The following SYK variants were observed in gnomAD, a reference collection of about 807,000 sequenced individuals.
SYK encodes the protein tyrosine-protein kinase SYK.
SYK carries 16 observed loss-of-function variants against 77.8 expected under a neutral mutation model. The observed-to-expected ratio is 0.21, with a 90% confidence interval of 0.14 to 0.31. SYK has a LOEUF of 0.31. SYK is among the 10% of genes least tolerant of loss of function. SYK has a pLI of 1.00. For missense variants in SYK, 529 were observed against 814.4 expected (o/e 0.65, Z 4.26); for synonymous variants, 312 against 308.7 (o/e 1.01, Z -0.11).
intron 1 of SYK, among the ~76,000 whole-genome samples, chr9:90,808,252 A>G (rs1824920819): frequency 6.6e-6 from 1 of 152,074 alleles, no homozygotes; most frequent in South Asian, 2.1e-4. Flanking sequence ...TGATTATTTT[A>G]GCAAGCAGGT....
rs185769343 is a variant in SYK at position 90,871,782 on chromosome 9, G to C, written c.916-2422G>C. 1.4e-3 allele frequency among the ~76,000 whole-genome samples: 216 copies of C among 152,344 alleles called. 2 individuals are homozygous for C. Among genetic ancestry groups the C allele is most frequent in the Non-Finnish European group, 1.3e-3 (89 of 68,032 alleles). ...GGAGCCCAGGGATCTGGGTAGGAGA[G>C]AGTTGATGTGGGGTTGTTGAGAGAC... On this transcript the variant is annotated intron_variant, in intron 7 of 13. Transcript: ENST00000375754.
chr9:90,847,925 T>G (rs985362441), intron 3 of SYK, among the ~76,000 whole-genome samples: 1 of 152,228 alleles, frequency 6.6e-6, no homozygotes, highest in African/African-American at 2.4e-5. Context: ...AGAGAAAGTG[T>G]GAGGAAACAC....
intron 1 of SYK, among the ~76,000 whole-genome samples, chr9:90,841,294 T>C (rs1564085543): frequency 6.6e-6 from 1 of 150,690 alleles, no homozygotes; most frequent in South Asian, 2.1e-4. Flanking sequence ...ATGTGTGTAA[T>C]GTGTATGTAG....
intron 8 of SYK, 93 bp downstream of exon 8, chr9:90,874,384 C>A: frequency 7.9e-7 from 1 of 1,262,022 alleles, no homozygotes; most frequent in Non-Finnish European, 1.1e-6. Context: ...CACACCACGT[C>A]CGTGATTGCA....
chr9:90,877,562 C>G lies in SYK; in HGVS notation c.1182-9C>G. On this transcript the variant is annotated splice_polypyrimidine_tract_variant and intron_variant, in intron 9 of 13. Transcript: ENST00000375754. ...GAAAGTTTCTTGTGTGTTATGATTT[C>G]TCTTGCAGAGTTGTGAAAACCGTGG... 6.2e-7 allele frequency: 1 copy of G among 1,613,992 alleles called. No homozygotes were observed. Among genetic ancestry groups the G allele is most frequent in the African/African-American group, 1.3e-5 (1 of 75,040 alleles).
In SYK at chr9:90,843,996, G is replaced by T; in HGVS notation, c.98G>T (p.Gly33Val). The T allele has an allele frequency of 6.2e-7, 1 of 1,610,308 alleles. No individual in the cohort carries two copies. Among genetic ancestry groups the T allele is most frequent in the Non-Finnish European group, 8.5e-7 (1 of 1,178,158 alleles). ...GCAGAAGATTACCTGGTCCAGGGGG[G>T]CATGAGTGATGGGCTTTATTTGCTG... is the stretch of plus-strand genomic sequence containing the variant. Reference protein sequence around the residue: ...EEAEDYLVQGGMSDGLYLLRQ... With the variant: ...EEAEDYLVQGVMSDGLYLLRQ... The change falls in exon 2 of 14, where the codon GGC becomes GTC. Residue 33 changes from glycine (G) to valine (V), a missense_variant. Gly to Val is a moderately radical substitution (Grantham distance 109). This residue lies in a region of SYK where 321 missense variants were observed against 433.1 expected (regional missense o/e 0.74). Transcript: ENST00000375754.
At chr9:90,870,457 A>G (rs1428939873) in intron 7 of SYK, among the ~76,000 whole-genome samples, 1 of 152,240 alleles carries the variant, frequency 6.6e-6, no homozygotes, top group African/African-American at 2.4e-5. Flanking sequence ...AATATTTTAA[A>G]ACTTACATTT....
chr9:90,869,290 T>A (rs1486286988), intron 7 of SYK, among the ~76,000 whole-genome samples: 3 of 152,150 alleles, frequency 2.0e-5, no homozygotes, highest in Non-Finnish European at 4.4e-5. Flanking sequence ...AAAAAAAAGT[T>A]TGCTTTCTAT....
chr9:90,878,657 G>A, intron 10 of SYK, 107 bp from the exon 11 acceptor site: 1 of 901,454 alleles, frequency 1.1e-6, no homozygotes. Context: ...TGTTGTTTAA[G>A]AAGAGGGAAG....
rs190364887 is a variant in SYK at position 90,826,116 on chromosome 9, A to G, written c.-41-17742A>G. ...AGAAGGAGCTCCAAGTTAGGCAGGAAAGCCCCAAGCTTACATTTGGATGGG... is the reference window on the plus strand; with the variant it reads ...AGAAGGAGCTCCAAGTTAGGCAGGAGAGCCCCAAGCTTACATTTGGATGGG... On this transcript the variant is annotated intron_variant, in intron 1 of 13. Coordinates refer to ENST00000375754, the MANE Select transcript of SYK (RefSeq NM_003177.7). Among the ~76,000 whole-genome samples, 38 of 152,310 alleles carry G rather than the reference A, an allele frequency of 2.5e-4. No individual in the cohort carries two copies. In the East Asian group the frequency reaches 7.1e-3, roughly 29 times the overall value.
chr9:90,880,614 A>G (rs561912132), intron 11 of SYK, among the ~76,000 whole-genome samples: 2 of 152,320 alleles, frequency 1.3e-5, no homozygotes, highest in South Asian at 4.1e-4. Flanking sequence ...CACAGAGGAG[A>G]TAGAGAAAAT....
intron 11 of SYK, among the ~76,000 whole-genome samples, chr9:90,883,271 C>T (rs924331552): frequency 1.3e-5 from 2 of 152,092 alleles, no homozygotes; most frequent in Non-Finnish European, 2.9e-5. Context: ...TACACTGCTC[C>T]CCCTGAGAAT....
chr9:90,805,561 T>C (rs536630115), intron 1 of SYK, among the ~76,000 whole-genome samples: 1 of 152,350 alleles, frequency 6.6e-6, no homozygotes, highest in South Asian at 2.1e-4. Flanking sequence ...AGTTTAAATA[T>C]TGCTTTACTT....
intron 3 of SYK, among the ~76,000 whole-genome samples, chr9:90,854,007 C>T (rs1826923054): frequency 6.6e-6 from 1 of 152,082 alleles, no homozygotes; most frequent in Admixed American, 6.6e-5. Flanking sequence ...GCGGTGGATG[C>T]CGAGTGGGTG....
chr9:90,881,418 G>A (rs915199224), intron 11 of SYK, among the ~76,000 whole-genome samples: 11 of 152,180 alleles, frequency 7.2e-5, no homozygotes, highest in African/African-American at 2.4e-4. Flanking sequence ...GGTGGCTCAC[G>A]CCTGTAATCC....
chr9:90,876,662 G>T (rs1317283045), intron 9 of SYK, among the ~76,000 whole-genome samples: 1 of 152,158 alleles, frequency 6.6e-6, no homozygotes, highest in Non-Finnish European at 1.5e-5. Context: ...TTCAACTAGA[G>T]AATTTGGGGA....
rs1192964587 is a variant in SYK, at chr9:90,843,843, C to T, written c.-41-15C>T. 12 of 1,422,450 alleles carry T rather than the reference C, an allele frequency of 8.4e-6. No individual in the cohort carries two copies. The highest frequency in any genetic ancestry group is 1.1e-5 in the Non-Finnish European group (12 of 1,089,544). 88.1% of individuals were successfully genotyped at this position (1,422,450 alleles called of 1,614,324 possible). A position where few individuals can be genotyped will look rare whatever the true frequency, so the allele number is the denominator to read the frequency against. On this transcript the variant is annotated splice_polypyrimidine_tract_variant and intron_variant, in intron 1 of 13. Coordinates refer to ENST00000375754, the MANE Select transcript of SYK (RefSeq NM_003177.7). The stretch of plus-strand genomic sequence containing the variant: ...TGGGGTCCTCACCAAAGTTCTCTGT[C>T]TCTGTCTTGCCCAGGTGGACACCTG...
rs114514222 is a variant in SYK, at chr9:90,815,848, G to T, written c.-42+13955G>T. 2.5e-3 allele frequency among the ~76,000 whole-genome samples: 388 copies of T among 152,324 alleles called. 1 individual carries two copies. The highest frequency in any genetic ancestry group is 9.1e-3 in the African/African-American group (377 of 41,576). ...TCTGCAGTCAGCTCTGTTTGGATCA[G>T]TTTTGAACCCCAGAACCTTCCACAT... On this transcript the variant is annotated intron_variant, in intron 1 of 13. Transcript: ENST00000375754.
At chr9:90,891,218 T>G (rs1828779127) in intron 13 of SYK, among the ~76,000 whole-genome samples, 1 of 141,784 alleles carries the variant, frequency 7.1e-6, no homozygotes. Context: ...CGATCTGGGC[T>G]CACTGCAAGC....
Sources: allele counts gnomAD v4.1 joint callset (sites outside exome capture counted in the v4.1 genomes callset), GRCh38; gene constraint gnomAD v4.1.1; regional missense constraint gnomAD v4.1.1; transcripts MANE v1.5; gene names NCBI Gene and HGNC (gene_info 2026-07-23, HGNC 2026-07-21).